The following N4BP2 variants were observed in gnomAD, a reference collection of about 807,000 sequenced individuals.
N4BP2 encodes the protein NEDD4 binding protein 2, also known as NEDD4-binding protein 2.
N4BP2 carries 91 observed loss-of-function variants against 152.8 expected under a neutral mutation model. The observed-to-expected ratio is 0.60, with a 90% CI of 0.50 to 0.71. N4BP2 has a LOEUF of 0.71. Among genes scored for constraint, N4BP2 ranks in the 30% least tolerant of loss-of-function variants. The probability of loss-of-function intolerance (pLI) is 0.00; values close to 1 mark genes in which losing one functional copy is unlikely to be tolerated. For synonymous variants in N4BP2, 646 were observed against 705.3 expected (o/e 0.92, Z 1.33); for missense variants, 1,923 against 2,059.1 (o/e 0.93, Z 1.28).
At chr4:40,172,766 C>G in the N4BP2 span, among the ~76,000 whole-genome samples, 3 of 152,196 alleles carry the variant, frequency 2.0e-5, no homozygotes, top group African/African-American at 7.2e-5. Context: ...ATCAGTTCAA[C>G]TCAGCAGTGT....
chr4:40,123,625 A>C (rs939459640), intron 10 of N4BP2, among the ~76,000 whole-genome samples: 1 of 151,506 alleles, frequency 6.6e-6, no homozygotes, highest in African/African-American at 2.4e-5. Context: ...GTAGGACTAT[A>C]CAGGTGCCTG....
chr4:40,178,620 T>C, the N4BP2 span, among the ~76,000 whole-genome samples: 1 of 152,214 alleles, frequency 6.6e-6, no homozygotes, highest in Admixed American at 6.5e-5. Flanking sequence ...CCAGCTACCA[T>C]GCTTAACAAG....
chr4:40,097,259 A>T lies in N4BP2; in HGVS notation c.-82A>T. 8.9e-7 allele frequency: 1 copy of T among 1,119,704 alleles called. No homozygotes were observed. The highest frequency in any genetic ancestry group is 1.3e-6 in the Non-Finnish European group (1 of 751,374). 69.4% of individuals were successfully genotyped at this position (1,119,704 alleles called of 1,614,324 possible). On this transcript the variant is annotated 5_prime_UTR_variant, in exon 3 of 18. It removes the in-frame stop codon of an upstream open reading frame in the 5' UTR. Transcript: ENST00000261435. The stretch of plus-strand genomic sequence containing the variant: ...TACTGCTGGATTGTGCAAGATATTT[A>T]ACCCTATTTTGTTTGAATTATGACT...
chr4:40,129,701 C>T (rs1481553086), intron 12 of N4BP2, among the ~76,000 whole-genome samples: 1 of 151,460 alleles, frequency 6.6e-6, no homozygotes, highest in Admixed American at 6.6e-5. Flanking sequence ...GAACTCCTGG[C>T]TTCAAGCAGT....
In N4BP2 at chr4:40,121,170, A is replaced by T. The variant is rs1717869589; in HGVS notation, c.3059A>T (p.Gln1020Leu). 6.2e-7 allele frequency: 1 copy of T among 1,614,064 alleles called. No homozygotes were observed. Among genetic ancestry groups the T allele is most frequent in the Admixed American group, 1.7e-5 (1 of 60,002 alleles). ...GGCATGTGCACCCAGACTGAACCAC[A>T]GGATTTTGCTCTTTTATGGAAAATA... ...EVGMCTQTEP[Q>L]DFALLWKIEK... The change falls in exon 9 of 18, where the codon CAG becomes CTG. Residue 1020 changes from glutamine (Q) to leucine (L), a missense_variant. Coordinates refer to ENST00000261435, the MANE Select transcript of N4BP2 (RefSeq NM_018177.6).
At chr4:40,138,297 G>C (rs1369588658) in intron 14 of N4BP2, among the ~76,000 whole-genome samples, 1 of 152,072 alleles carries the variant, frequency 6.6e-6, no homozygotes, top group East Asian at 1.9e-4. Flanking sequence ...CTTTATTGTT[G>C]AGTTGTAAGT....
chr4:40,146,922 A>AT (rs1188860491), intron 16 of N4BP2, among the ~76,000 whole-genome samples: 2 of 38,206 alleles, frequency 5.2e-5, no homozygotes, highest in South Asian at 6.5e-4. Flanking sequence ...TTATTTTTTT[A>AT]TTTTTTTTAT....
the N4BP2 span, among the ~76,000 whole-genome samples, chr4:40,182,238 C>T: frequency 3.3e-5 from 5 of 152,230 alleles, no homozygotes; most frequent in East Asian, 1.9e-4. Flanking sequence ...CAAGAACATG[C>T]GCAGAGACAG....
chr4:40,111,808 C>A (rs793993), intron 5 of N4BP2, among the ~76,000 whole-genome samples: 116,095 of 151,894 alleles, frequency 0.76, 44,729 homozygotes, highest in East Asian at 0.97. Context: ...TAGAGATGGG[C>A]TTTCACCATG....
At chr4:40,189,298 A>G in the N4BP2 span, among the ~76,000 whole-genome samples, 2 of 152,330 alleles carry the variant, frequency 1.3e-5, no homozygotes, top group South Asian at 4.1e-4. This position sits in a 1 kb window ranked among gnomAD's most constrained non-coding sequence, Gnocchi z 4.3. Flanking sequence ...TCCACTAGGT[A>G]CTTGGCTCTG....
At chr4:40,062,612 A>T (rs1307359809) in intron 1 of N4BP2, among the ~76,000 whole-genome samples, 95 of 134,800 alleles carry the variant, frequency 7.0e-4, no homozygotes, top group African/African-American at 2.5e-3. Flanking sequence ...GGCTTTCAGG[A>T]TCCTCATGAT....
chr4:40,169,702 C>T, the N4BP2 span, among the ~76,000 whole-genome samples: 12,841 of 150,502 alleles, frequency 0.085, 561 homozygotes, highest in African/African-American at 0.11. Flanking sequence ...TGGTGGCTCT[C>T]GCTTGTAATC....
At chr4:40,173,909 A>G in the N4BP2 span, among the ~76,000 whole-genome samples, 1 of 152,282 alleles carries the variant, frequency 6.6e-6, no homozygotes, top group South Asian at 2.1e-4. Flanking sequence ...ATGGCAAGAA[A>G]TAGAAAGTAC....
chr4:40,126,380 G>A, intron 12 of N4BP2, 50 bp downstream of exon 12: 1 of 896,972 alleles, frequency 1.1e-6, no homozygotes, highest in Non-Finnish European at 1.6e-6. Context: ...CTGGTTTATT[G>A]TGTATGTTTA....
At chr4:40,092,645 C>CT (rs34819122) in intron 2 of N4BP2, among the ~76,000 whole-genome samples, 2,855 of 120,434 alleles carry the variant, frequency 0.024, 104 homozygotes, top group African/African-American at 0.072. Flanking sequence ...TTATTATTTC[C>CT]TTTTTTTTTT....
the N4BP2 span, among the ~76,000 whole-genome samples, chr4:40,189,076 G>C: frequency 6.6e-6 from 1 of 152,098 alleles, no homozygotes; most frequent in African/African-American, 2.4e-5. This position sits in a 1 kb window ranked among gnomAD's most constrained non-coding sequence, Gnocchi z 4.3. Flanking sequence ...AACCTGGGAG[G>C]GGGAGGTTGC....
At chr4:40,137,215 C>A in intron 14 of N4BP2, 133 bp downstream of exon 14, 1 of 716,092 alleles carries the variant, frequency 1.4e-6, no homozygotes, top group Non-Finnish European at 2.2e-6. Context: ...CCACCAATGG[C>A]ATATTTGGCT....
chr4:40,136,005 C>T (rs184495374), intron 13 of N4BP2, among the ~76,000 whole-genome samples: 5 of 152,218 alleles, frequency 3.3e-5, no homozygotes, highest in East Asian at 1.9e-4. Flanking sequence ...GATATTGGAA[C>T]GTGAGTGTGT....
At chr4:40,119,420 T>TA (rs1470471498) in intron 8 of N4BP2, among the ~76,000 whole-genome samples, 1 of 152,224 alleles carries the variant, frequency 6.6e-6, no homozygotes, top group Non-Finnish European at 1.5e-5. Context: ...AGTATGGCTT[T>TA]AAAAAATCTT....
Sources: gnomAD v4.1 joint callset for allele counts (sites outside exome capture counted in the v4.1 genomes callset) on GRCh38, gnomAD v4.1.1 for gene constraint, Gnocchi (gnomAD v3.1) non-coding constraint, MANE v1.5 for transcripts, NCBI Gene and HGNC (gene_info 2026-07-23, HGNC 2026-07-21) for gene names.